The following XIRP2 variants were observed in gnomAD, a reference collection of about 807,000 sequenced individuals.
XIRP2 encodes the protein xin actin-binding repeat-containing protein 2.
In XIRP2, 236 loss-of-function variants were observed where a neutral mutation model predicts 277.0. The observed-to-expected ratio is 0.85, with a 90% CI of 0.77 to 0.95. The LOEUF is 0.95. XIRP2 is among the 40% of genes least tolerant of loss of function. XIRP2 has a pLI of 0.00. For synonymous variants in XIRP2, 1,490 were observed against 1,416.5 expected, an observed-to-expected ratio of 1.05 and a Z score of -1.17; for missense variants, 4,640 against 4,157.5, an observed-to-expected ratio of 1.12 and a Z score of -3.19.
intron 2 of XIRP2, among the ~76,000 whole-genome samples, chr2:167,095,803 C>T (rs555401698): frequency 1.8e-5 from 2 of 110,532 alleles, no homozygotes; most frequent in Admixed American, 1.2e-4. Context: ...CTAGGTTTTT[C>T]TTTCAGGATG....
intron 2 of XIRP2, among the ~76,000 whole-genome samples, chr2:166,953,821 C>G (rs1053558191): frequency 1.3e-5 from 2 of 151,858 alleles, no homozygotes; most frequent in African/African-American, 4.8e-5. Context: ...GTCTTCCTTC[C>G]TTCTTTCCTT....
At chr2:167,146,415 T>C (rs1324078861) in intron 3 of XIRP2, among the ~76,000 whole-genome samples, 1 of 151,738 alleles carries the variant, frequency 6.6e-6, no homozygotes, top group Non-Finnish European at 1.5e-5. Context: ...GCAGGAGAAT[T>C]GCTTGAATCC....
At chr2:166,926,076 A>G (rs1478973567) in intron 2 of XIRP2, among the ~76,000 whole-genome samples, 2 of 151,940 alleles carry the variant, frequency 1.3e-5, no homozygotes, top group Non-Finnish European at 2.9e-5. Flanking sequence ...CCTATCTCAA[A>G]AAGAAAAAAA....
intron 2 of XIRP2, among the ~76,000 whole-genome samples, chr2:166,926,816 A>G (rs1247342721): frequency 6.6e-6 from 1 of 152,134 alleles, no homozygotes; most frequent in Non-Finnish European, 1.5e-5. Flanking sequence ...CATGCTTAGA[A>G]CACAGCCCCA....
intron 2 of XIRP2, among the ~76,000 whole-genome samples, chr2:167,100,270 G>T (rs1198362653): frequency 6.6e-6 from 1 of 151,964 alleles, no homozygotes; most frequent in African/African-American, 2.4e-5. Flanking sequence ...GTTATGTCTA[G>T]AATGGTTGAT....
intron 3 of XIRP2, among the ~76,000 whole-genome samples, chr2:167,176,083 C>G (rs976638395): frequency 2.0e-5 from 3 of 152,132 alleles, no homozygotes; most frequent in Non-Finnish European, 2.9e-5. Context: ...CTGAGCTAGA[C>G]CACTTGGCTC....
At chr2:167,054,202 A>G (rs1688987821) in intron 2 of XIRP2, among the ~76,000 whole-genome samples, 1 of 152,228 alleles carries the variant, frequency 6.6e-6, no homozygotes, top group South Asian at 2.1e-4. Flanking sequence ...GAAAATGCAC[A>G]TTGAACTATC....
At chr2:167,012,713 T>C (rs1687715874) in intron 2 of XIRP2, among the ~76,000 whole-genome samples, 1 of 151,462 alleles carries the variant, frequency 6.6e-6, no homozygotes, top group African/African-American at 2.4e-5. Context: ...TCTTTCTTCA[T>C]TGAAATCATA....
chr2:167,186,103 A>G (rs1693145042), intron 3 of XIRP2, among the ~76,000 whole-genome samples: 1 of 152,156 alleles, frequency 6.6e-6, no homozygotes, highest in Admixed American at 6.6e-5. Context: ...AAAGAACTGA[A>G]TTTTTAATTT....
chr2:167,175,932 C>T (rs1035662495), intron 3 of XIRP2, among the ~76,000 whole-genome samples: 5 of 152,196 alleles, frequency 3.3e-5, no homozygotes, highest in Admixed American at 1.3e-4. Context: ...GAAAAACCAC[C>T]TACTCAAGCC....
intron 2 of XIRP2, among the ~76,000 whole-genome samples, chr2:166,928,901 A>C (rs1473977198): frequency 6.6e-6 from 1 of 152,024 alleles, no homozygotes; most frequent in East Asian, 1.9e-4. Flanking sequence ...CTCCAGGGGG[A>C]GTAATTCTTG....
chr2:167,163,774 A>G (rs147375309), intron 3 of XIRP2, among the ~76,000 whole-genome samples: 23 of 152,280 alleles, frequency 1.5e-4, no homozygotes, highest in Admixed American at 1.5e-3. Flanking sequence ...TTGAAGTGTT[A>G]TAGTTTTAGG....
At chr2:166,904,191 G>C (rs2105337426) in intron 2 of XIRP2, among the ~76,000 whole-genome samples, 1 of 152,242 alleles carries the variant, frequency 6.6e-6, no homozygotes, top group East Asian at 1.9e-4. Context: ...CTTAGAGGCA[G>C]GAACAATTTC....
chr2:167,036,720 A>G (rs1688516304), intron 2 of XIRP2, among the ~76,000 whole-genome samples: 1 of 152,114 alleles, frequency 6.6e-6, no homozygotes, highest in Non-Finnish European at 1.5e-5. Context: ...TGGAGGGGCC[A>G]GGGATGGAAT....
chr2:166,956,852 A>C (rs750302981), intron 2 of XIRP2, among the ~76,000 whole-genome samples: 1 of 151,810 alleles, frequency 6.6e-6, no homozygotes, highest in Non-Finnish European at 1.5e-5. Flanking sequence ...AATGAGGGAA[A>C]TGTGTCACAA....
At chr2:167,100,532 C>T (rs976281108) in intron 2 of XIRP2, among the ~76,000 whole-genome samples, 12 of 152,164 alleles carry the variant, frequency 7.9e-5, no homozygotes, top group Non-Finnish European at 1.6e-4. Flanking sequence ...ACTAGTATTT[C>T]CCCTTGGCCT....
chr2:167,089,176 C>T, intron 2 of XIRP2, among the ~76,000 whole-genome samples: 1 of 152,238 alleles, frequency 6.6e-6, no homozygotes, highest in Non-Finnish European at 1.5e-5. Flanking sequence ...ACAGTTCCAG[C>T]ATCACATGTA....
intron 2 of XIRP2, among the ~76,000 whole-genome samples, chr2:166,911,076 A>G (rs374048379): frequency 2.7e-4 from 41 of 152,226 alleles, no homozygotes; most frequent in African/African-American, 7.7e-4. Context: ...GTGCTGAGAA[A>G]AATGTATATT....
chr2:166,985,886 C>G (rs1032157627), intron 2 of XIRP2, among the ~76,000 whole-genome samples: 49 of 152,076 alleles, frequency 3.2e-4, no homozygotes, highest in Non-Finnish European at 1.0e-4. Flanking sequence ...ATCAGGTGAT[C>G]TCCTCATCTG....
Sources: gnomAD v4.1 joint callset for allele counts (sites outside exome capture counted in the v4.1 genomes callset) on GRCh38, gnomAD v4.1.1 for gene constraint, MANE v1.5 for transcripts, NCBI Gene and HGNC (gene_info 2026-07-23, HGNC 2026-07-21) for gene names.